The following ADAMTS18 variants were observed in gnomAD, a reference collection of about 807,000 sequenced individuals.
The protein encoded by ADAMTS18 is ADAM metallopeptidase with thrombospondin type 1 motif 18.
Under a neutral mutation model 165.9 loss-of-function variants are expected in ADAMTS18, and 157 were observed. The observed-to-expected ratio is 0.95, with a 90% CI of 0.83 to 1.08. ADAMTS18 has a LOEUF of 1.08. ADAMTS18 is among the 50% of genes least tolerant of loss of function. The pLI is 0.00. For synonymous variants in ADAMTS18, 782 were observed against 578.2 expected, an observed-to-expected ratio of 1.35 and a Z score of -5.06; for missense variants, 2,040 against 1,534.0, an observed-to-expected ratio of 1.33 and a Z score of -5.51.
At chr16:77,400,711 C>A (rs1331269688) in intron 3 of ADAMTS18, among the ~76,000 whole-genome samples, 1 of 151,490 alleles carries the variant, frequency 6.6e-6, no homozygotes, top group Non-Finnish European at 1.5e-5. Context: ...CCTCGTGATC[C>A]GCCTGCCTCG....
At chr16:77,322,523 T>C (rs2056022137) in intron 13 of ADAMTS18, 57 bp from the exon 14 acceptor site, 8 of 1,586,976 alleles carry the variant, frequency 5.0e-6, no homozygotes, top group Middle Eastern at 1.7e-4. Flanking sequence ...GGAAAAATGA[T>C]AGGATTGTCA....
chr16:77,349,621 A>G (rs2056526901), intron 10 of ADAMTS18, among the ~76,000 whole-genome samples: 1 of 151,294 alleles, frequency 6.6e-6, no homozygotes, highest in South Asian at 2.1e-4. Context: ...AAAATCGTGT[A>G]CTTCTCAATT....
At chr16:77,405,697 A>G (rs776957741) in intron 3 of ADAMTS18, among the ~76,000 whole-genome samples, 1 of 152,096 alleles carries the variant, frequency 6.6e-6, no homozygotes, top group African/African-American at 2.4e-5. Context: ...AAAGTCTAAT[A>G]TCGAAGCTCT....
At chr16:77,378,455 C>T (rs1334895691) in intron 3 of ADAMTS18, among the ~76,000 whole-genome samples, 1 of 152,100 alleles carries the variant, frequency 6.6e-6, no homozygotes. Flanking sequence ...TAGCTCACAC[C>T]TGTAATCCCA....
At chr16:77,418,013 C>T (rs187098107) in intron 3 of ADAMTS18, among the ~76,000 whole-genome samples, 2 of 152,246 alleles carry the variant, frequency 1.3e-5, no homozygotes, top group African/African-American at 2.4e-5. Context: ...GTGGTTAGGC[C>T]CCTTTCCTCA....
chr16:77,365,793 C>T (rs1358138204), intron 4 of ADAMTS18, among the ~76,000 whole-genome samples: 1 of 152,166 alleles, frequency 6.6e-6, no homozygotes, highest in Admixed American at 6.5e-5. Flanking sequence ...AACTAGCTCC[C>T]TACAGAGTAA....
At position 77,431,539 on chromosome 16, in the gene ADAMTS18, C is replaced by A. The variant is rs774523319; in HGVS notation, c.251G>T (p.Gly84Val). ...ATTCTGCGCCGATCGCTTTTTCCTG[C>A]CGTTGTGCAAAATGTCGTGTGAAAT... ...SYISHDILHN[G>V]RKKRSAQNAR... The change falls in exon 3 of 23, where the codon GGC becomes GTC. Residue 84 changes from glycine (G) to valine (V), a missense_variant. Physicochemically the swap from Gly to Val is moderately radical, Grantham distance 109. Transcript: ENST00000282849. 1.6e-5 allele frequency: 26 copies of A among 1,614,042 alleles called. No individual in the cohort carries two copies. Among genetic ancestry groups the A allele is most frequent in the South Asian group, 5.5e-5 (5 of 91,090 alleles).
intron 21 of ADAMTS18, among the ~76,000 whole-genome samples, chr16:77,289,975 G>C (rs1028176476): frequency 1.3e-5 from 2 of 152,166 alleles, no homozygotes; most frequent in African/African-American, 4.8e-5. Flanking sequence ...CTTTCTTCCA[G>C]ACAGCCATAT....
intron 16 of ADAMTS18, among the ~76,000 whole-genome samples, chr16:77,311,675 A>T (rs1197158273): frequency 2.7e-5 from 4 of 149,798 alleles, no homozygotes; most frequent in Non-Finnish European, 5.9e-5. Flanking sequence ...AAAAGATATC[A>T]TAGACAAAAT....
At chr16:77,387,649 C>A (rs576976713) in intron 3 of ADAMTS18, among the ~76,000 whole-genome samples, 3 of 152,284 alleles carry the variant, frequency 2.0e-5, no homozygotes, top group African/African-American at 7.2e-5. Flanking sequence ...GTATCAGTGG[C>A]TTGTCATGAT....
chr16:77,367,849 T>C (rs899277598), intron 3 of ADAMTS18, 126 bp from the exon 4 acceptor site: 12 of 1,047,754 alleles, frequency 1.1e-5, no homozygotes, highest in African/African-American at 6.3e-5. Flanking sequence ...TTCACACATA[T>C]TGCCTCATTT....
At chr16:77,331,649 G>A (rs149099047) in intron 12 of ADAMTS18, among the ~76,000 whole-genome samples, 1 of 152,160 alleles carries the variant, frequency 6.6e-6, no homozygotes, top group Non-Finnish European at 1.5e-5. Flanking sequence ...AGACATTTTT[G>A]GTTGTCACAG....
intron 3 of ADAMTS18, among the ~76,000 whole-genome samples, chr16:77,386,824 T>C (rs934372455): frequency 6.6e-6 from 1 of 152,182 alleles, no homozygotes; most frequent in Non-Finnish European, 1.5e-5. Flanking sequence ...ACTTATTACA[T>C]GCAAATATGA....
At chr16:77,371,891 G>C (rs1485622580) in intron 3 of ADAMTS18, among the ~76,000 whole-genome samples, 1 of 152,044 alleles carries the variant, frequency 6.6e-6, no homozygotes, top group African/African-American at 2.4e-5. Flanking sequence ...TTAATATCCA[G>C]AATATGTAAG....
At chr16:77,292,906 G>A (rs912192978) in intron 20 of ADAMTS18, 170 bp downstream of exon 20, 18 of 669,590 alleles carry the variant, frequency 2.7e-5, no homozygotes, top group African/African-American at 1.5e-4. Context: ...TGCAAACTCC[G>A]CCTCCTGGGT....
chr16:77,390,786 G>C (rs947118975), intron 3 of ADAMTS18, among the ~76,000 whole-genome samples: 2 of 152,004 alleles, frequency 1.3e-5, no homozygotes, highest in African/African-American at 4.8e-5. Context: ...GTTCAGTACA[G>C]TAGTCACTAC....
chr16:77,417,144 T>G (rs1320660521), intron 3 of ADAMTS18, among the ~76,000 whole-genome samples: 2 of 95,068 alleles, frequency 2.1e-5, no homozygotes, highest in Non-Finnish European at 2.8e-5. Flanking sequence ...ACCCTCACAT[T>G]GAAATGTCCA....
At chr16:77,424,840 C>T (rs1485275423) in intron 3 of ADAMTS18, among the ~76,000 whole-genome samples, 1 of 152,158 alleles carries the variant, frequency 6.6e-6, no homozygotes, top group African/African-American at 2.4e-5. Context: ...TCTCAAGTGA[C>T]CGAAAAGCTC....
chr16:77,364,912 C>T (rs1306600800), intron 4 of ADAMTS18, among the ~76,000 whole-genome samples: 8 of 151,944 alleles, frequency 5.3e-5, no homozygotes, highest in African/African-American at 1.7e-4. Context: ...TTGACACCAG[C>T]CTGGCCAACA....
Sources: allele counts gnomAD v4.1 joint callset (sites outside exome capture counted in the v4.1 genomes callset), GRCh38; gene constraint gnomAD v4.1.1; transcripts MANE v1.5; gene names NCBI Gene and HGNC (gene_info 2026-07-23, HGNC 2026-07-21).